Variants in FTCDNL1 observed in about 807,000 individuals in gnomAD.
FTCDNL1 encodes formiminotransferase cyclodeaminase N-terminal like.
FTCDNL1 carries 11 observed loss-of-function variants against 5.9 expected under a neutral mutation model. The observed-to-expected ratio is 1.87, with a 90% confidence interval of 1.18 to 3.10. FTCDNL1 has a LOEUF of 3.10. Ranked by LOEUF, FTCDNL1 falls within the 30% of genes most tolerant of loss-of-function variation. The pLI is 0.00. For synonymous variants in FTCDNL1, 58 were observed against 24.8 expected, an observed-to-expected ratio of 2.34 and a Z score of -3.99; for missense variants, 115 against 65.5, an observed-to-expected ratio of 1.76 and a Z score of -2.61.
intron 3 of FTCDNL1, among the ~76,000 whole-genome samples, chr2:199,822,276 T>A (rs1457113631): frequency 6.6e-6 from 1 of 152,086 alleles, no homozygotes; most frequent in South Asian, 2.1e-4. Context: ...TGGTGGCATA[T>A]GCCTGTAGTC....
At chr2:199,720,410 C>T in the FTCDNL1 span, among the ~76,000 whole-genome samples, 2 of 152,124 alleles carry the variant, frequency 1.3e-5, no homozygotes, top group African/African-American at 4.8e-5. Context: ...CCTAGGGCTG[C>T]CATAGCAAAT....
chr2:199,757,909 G>A (rs1698126178), downstream of FTCDNL1, among the ~76,000 whole-genome samples: 1 of 152,120 alleles, frequency 6.6e-6, no homozygotes, highest in African/African-American at 2.4e-5. Context: ...ACAAAATGGA[G>A]GTTGCTTTAT....
At chr2:199,759,387 TG>T (rs1467089002), downstream of FTCDNL1, among the ~76,000 whole-genome samples, 4 of 152,118 alleles carry the variant, frequency 2.6e-5, no homozygotes, top group Non-Finnish European at 4.4e-5. Context: ...GAGCACTCCC[TG>T]CGAGTTAGGA....
At chr2:199,685,489 T>C in the FTCDNL1 span, among the ~76,000 whole-genome samples, 25 of 152,294 alleles carry the variant, frequency 1.6e-4, no homozygotes, top group African/African-American at 5.8e-4. Context: ...TTGTTTTTTT[T>C]CTAAACCAAG....
chr2:199,715,872 GCAGATTAATCCT>G, the FTCDNL1 span, among the ~76,000 whole-genome samples: 2 of 152,026 alleles, frequency 1.3e-5, no homozygotes, highest in Non-Finnish European at 2.9e-5. Flanking sequence ...CCCTAGAGCA[GCAGATTAATCCT>G]CAGATTAATC....
At chr2:199,815,699 C>CA (rs1701310818) in intron 4 of FTCDNL1, among the ~76,000 whole-genome samples, 2 of 152,040 alleles carry the variant, frequency 1.3e-5, no homozygotes, top group South Asian at 4.2e-4. Context: ...GATATTGCTT[C>CA]AAAAAATGAA....
chr2:199,784,857 T>A (rs935220321), intron 3 of FTCDNL1, among the ~76,000 whole-genome samples: 3 of 152,196 alleles, frequency 2.0e-5, no homozygotes. Context: ...TCTAGAAAAG[T>A]GGCCTAAGGA....
rs537941899 is a variant in FTCDNL1 at position 199,809,367 on chromosome 2, A to C, written c.*3338T>G. On this transcript the variant is annotated 3_prime_UTR_variant, in exon 5 of 5. Coordinates refer to ENST00000420128, the MANE Select transcript of FTCDNL1 (RefSeq NM_001363886.2). ...TGGCCTCCCAAAGTGCTGGGATTACAGGAATGAGCCACCACACCCAGCCAA... is the reference window on the plus strand; with the variant it reads ...TGGCCTCCCAAAGTGCTGGGATTACCGGAATGAGCCACCACACCCAGCCAA... 1.3e-4 allele frequency among the ~76,000 whole-genome samples: 20 copies of C among 152,122 alleles called. No homozygotes were observed. The South Asian group carries it at 3.9e-3, about 30-fold the overall frequency.
At chr2:199,813,824 T>A (rs1458668320) in intron 4 of FTCDNL1, among the ~76,000 whole-genome samples, 1 of 144,714 alleles carries the variant, frequency 6.9e-6, no homozygotes, top group Non-Finnish European at 1.5e-5. Context: ...GGCAGGAGAA[T>A]CACTTGAACC....
At chr2:199,826,522 C>T (rs1207081397) in intron 3 of FTCDNL1, among the ~76,000 whole-genome samples, 5 of 146,842 alleles carry the variant, frequency 3.4e-5, no homozygotes, top group African/African-American at 7.5e-5. Context: ...AGGTTGGGTG[C>T]GGTGGCTTAC....
At chr2:199,816,982 G>A in intron 4 of FTCDNL1, among the ~76,000 whole-genome samples, 1 of 152,230 alleles carries the variant, frequency 6.6e-6, no homozygotes, top group East Asian at 1.9e-4. Context: ...CACATAGTAG[G>A]TACTTAATAT....
At chr2:199,761,559 AT>A (rs1375185033) in intron 3 of FTCDNL1, among the ~76,000 whole-genome samples, 1 of 152,164 alleles carries the variant, frequency 6.6e-6, no homozygotes, top group African/African-American at 2.4e-5. Context: ...TTGGAGACAA[AT>A]GAAACTGAGG....
At chr2:199,833,884 CCAACCTCTTT>C (rs1269038810) in intron 3 of FTCDNL1, among the ~76,000 whole-genome samples, 2 of 152,206 alleles carry the variant, frequency 1.3e-5, no homozygotes, top group Admixed American at 6.5e-5. Context: ...ACACCCTTCT[CCAACCTCTTT>C]CAACTATGTT....
At chr2:199,794,611 C>T (rs1176738401) in intron 3 of FTCDNL1, among the ~76,000 whole-genome samples, 1 of 152,168 alleles carries the variant, frequency 6.6e-6, no homozygotes, top group East Asian at 1.9e-4. Flanking sequence ...GGTGCAGTGG[C>T]TCATGCCTGT....
the FTCDNL1 span, among the ~76,000 whole-genome samples, chr2:199,680,793 G>A: frequency 2.0e-5 from 3 of 152,294 alleles, no homozygotes; most frequent in Non-Finnish European, 4.4e-5. Context: ...TTAGAAATGT[G>A]TTTGGGACAA....
intron 3 of FTCDNL1, chr2:199,844,284 C>G (rs939996844): frequency 8.5e-5 from 36 of 422,256 alleles, no homozygotes; most frequent in South Asian, 4.7e-4. Flanking sequence ...CAACTTTTCC[C>G]GGGGGCTGAG....
chr2:199,827,925 A>T (rs547417833), intron 3 of FTCDNL1, among the ~76,000 whole-genome samples: 3 of 152,346 alleles, frequency 2.0e-5, no homozygotes, highest in African/African-American at 7.2e-5. Context: ...ACATCATGGA[A>T]GAAATCAAGC....
At chr2:199,671,574 AG>A in the FTCDNL1 span, among the ~76,000 whole-genome samples, 1 of 152,198 alleles carries the variant, frequency 6.6e-6, no homozygotes, top group Non-Finnish European at 1.5e-5. Context: ...AAAATTCCAC[AG>A]GCAACTAACA....
At chr2:199,828,955 T>A (rs1702197532) in intron 3 of FTCDNL1, among the ~76,000 whole-genome samples, 1 of 152,172 alleles carries the variant, frequency 6.6e-6, no homozygotes, top group African/African-American at 2.4e-5. Context: ...TGGGATCAAT[T>A]TTCCACAGTC....
Sources: gnomAD v4.1 joint callset for allele counts (sites outside exome capture counted in the v4.1 genomes callset) on GRCh38, gnomAD v4.1.1 for gene constraint, MANE v1.5 for transcripts, NCBI Gene and HGNC (gene_info 2026-07-23, HGNC 2026-07-21) for gene names.